GALNT17: variants seen among roughly 807,000 people sequenced by gnomAD.
GALNT17 encodes the protein UDP-GalNAc:polypeptide N-acetylgalactosaminyltransferase-like 3.
In GALNT17, 29 loss-of-function variants were observed where a neutral mutation model predicts 63.7. That is an observed-to-expected ratio of 0.46 (90% CI 0.34 to 0.62). GALNT17 has a LOEUF of 0.62. Among genes scored for constraint, GALNT17 ranks in the 20% least tolerant of loss-of-function variants. The probability of loss-of-function intolerance (pLI) is 0.01; values close to 1 mark genes in which losing one functional copy is unlikely to be tolerated. For synonymous variants in GALNT17, 305 were observed against 318.3 expected (o/e 0.96, Z 0.45); for missense variants, 603 against 799.6 (o/e 0.75, Z 2.97).
intron 5 of GALNT17, among the ~76,000 whole-genome samples, chr7:71,518,542 C>T (rs1315907673): frequency 6.6e-6 from 1 of 152,180 alleles, no homozygotes; most frequent in Non-Finnish European, 1.5e-5. Flanking sequence ...AGTCCAGCAG[C>T]AGTTACTAAA....
chr7:71,253,745 A>G (rs1009389734), intron 1 of GALNT17, among the ~76,000 whole-genome samples: 2 of 152,086 alleles, frequency 1.3e-5, no homozygotes, highest in African/African-American at 4.8e-5. Context: ...AAGAATTTCT[A>G]CAGCTCCCAA....
intron 5 of GALNT17, among the ~76,000 whole-genome samples, chr7:71,531,533 C>T (rs1195807500): frequency 6.6e-6 from 1 of 152,176 alleles, no homozygotes; most frequent in Admixed American, 6.6e-5. Context: ...GCTTTTTAAA[C>T]TTACTATGTG....
chr7:71,320,919 A>G (rs1300171726), intron 1 of GALNT17, among the ~76,000 whole-genome samples: 1 of 152,222 alleles, frequency 6.6e-6, no homozygotes, highest in Non-Finnish European at 1.5e-5. Flanking sequence ...GATAGCAGAA[A>G]TTTACATGCT....
At chr7:71,648,586 A>G (rs1359971853) in intron 6 of GALNT17, among the ~76,000 whole-genome samples, 1 of 151,780 alleles carries the variant, frequency 6.6e-6, no homozygotes, top group Non-Finnish European at 1.5e-5. Flanking sequence ...TCCTTTTTTA[A>G]GTTGAAAATA....
intron 1 of GALNT17, among the ~76,000 whole-genome samples, chr7:71,152,831 C>T (rs1417116990): frequency 6.6e-6 from 1 of 151,966 alleles, no homozygotes; most frequent in Non-Finnish European, 1.5e-5. Flanking sequence ...CGGGGTCTCA[C>T]CATGTTGGTC....
At chr7:71,184,325 A>G (rs1465196451) in intron 1 of GALNT17, among the ~76,000 whole-genome samples, 1 of 152,146 alleles carries the variant, frequency 6.6e-6, no homozygotes, top group Non-Finnish European at 1.5e-5. Context: ...TGTCATGGTG[A>G]TGGAGTAACC....
chr7:71,366,194 C>T (rs1033156881), intron 2 of GALNT17, among the ~76,000 whole-genome samples: 3 of 152,120 alleles, frequency 2.0e-5, no homozygotes, highest in African/African-American at 7.2e-5. Flanking sequence ...TCCTGACGCT[C>T]ACCTCCTGCT....
chr7:71,233,012 C>G (rs890676109), intron 1 of GALNT17, among the ~76,000 whole-genome samples: 6 of 152,138 alleles, frequency 3.9e-5, no homozygotes, highest in African/African-American at 1.4e-4. Context: ...TCTCAACAAC[C>G]CTGTGAAGTA....
Position 71,455,954 on chromosome 7 carries a change from T to C in GALNT17, c.962+34849T>C, listed in dbSNP as rs141149975. ...TACCCCTCAGAGCTCCTGTGAAGAT[T>C]AGACTGTGAGGCCGGGGACGGTGGC... On this transcript the variant is annotated intron_variant, in intron 5 of 10. Coordinates refer to ENST00000333538, the MANE Select transcript of GALNT17 (RefSeq NM_022479.3). 2.9e-3 allele frequency among the ~76,000 whole-genome samples: 446 copies of C among 152,268 alleles called. 2 individuals are homozygous for C. The highest frequency in any genetic ancestry group is 0.01 in the African/African-American group (428 of 41,552).
At chr7:71,707,887 C>T (rs1291016545) in intron 9 of GALNT17, among the ~76,000 whole-genome samples, 1 of 152,212 alleles carries the variant, frequency 6.6e-6, no homozygotes, top group African/African-American at 2.4e-5. Flanking sequence ...GGCCAACCAA[C>T]ATTCAAGGGA....
chr7:71,412,565 G>T (rs534414735), intron 3 of GALNT17, among the ~76,000 whole-genome samples: 10 of 152,186 alleles, frequency 6.6e-5, no homozygotes, highest in Non-Finnish European at 1.5e-4. Context: ...TAGAGACGGG[G>T]TTTCTCCATG....
chr7:71,149,476 G>T (rs372404531), intron 1 of GALNT17, among the ~76,000 whole-genome samples: 11 of 151,988 alleles, frequency 7.2e-5, no homozygotes, highest in South Asian at 2.1e-4. Flanking sequence ...CTGTAGGGGG[G>T]GCGAAACGTG....
chr7:71,448,068 G>A (rs1222664551), intron 5 of GALNT17, among the ~76,000 whole-genome samples: 1 of 152,168 alleles, frequency 6.6e-6, no homozygotes, highest in African/African-American at 2.4e-5. Context: ...GTGTAAAAAT[G>A]TCTGGATTCT....
intron 1 of GALNT17, among the ~76,000 whole-genome samples, chr7:71,226,138 A>G (rs1027289359): frequency 1.3e-5 from 2 of 152,230 alleles, no homozygotes; most frequent in African/African-American, 4.8e-5. Flanking sequence ...TTGAGTAAAT[A>G]AACTAAAACA....
chr7:71,263,750 C>T (rs566239977), intron 1 of GALNT17, among the ~76,000 whole-genome samples: 17 of 151,894 alleles, frequency 1.1e-4, no homozygotes, highest in South Asian at 1.0e-3. Context: ...GGTGAAACCC[C>T]GTCTCTACTA....
chr7:71,311,588 C>A (rs1791415243), intron 1 of GALNT17, among the ~76,000 whole-genome samples: 1 of 152,082 alleles, frequency 6.6e-6, no homozygotes, highest in African/African-American at 2.4e-5. Flanking sequence ...GTGGGGGATC[C>A]CAGTTCATGC....
intron 5 of GALNT17, among the ~76,000 whole-genome samples, chr7:71,491,761 C>T (rs1788012677): frequency 6.6e-6 from 1 of 152,156 alleles, no homozygotes; most frequent in African/African-American, 2.4e-5. Context: ...TGAGAATCTG[C>T]ATTTCTAGCA....
At chr7:71,236,042 G>T (rs541603265) in intron 1 of GALNT17, among the ~76,000 whole-genome samples, 1 of 152,068 alleles carries the variant, frequency 6.6e-6, no homozygotes, top group African/African-American at 2.4e-5. Flanking sequence ...TTAGCCGGGC[G>T]TGGTGGCAGG....
At chr7:71,419,097 A>G (rs1786609955) in intron 4 of GALNT17, among the ~76,000 whole-genome samples, 1 of 152,186 alleles carries the variant, frequency 6.6e-6, no homozygotes, top group Non-Finnish European at 1.5e-5. Flanking sequence ...AAAAAAAAGA[A>G]ATATCATTGG....
Sources: gnomAD v4.1 joint callset for allele counts (sites outside exome capture counted in the v4.1 genomes callset) on GRCh38, gnomAD v4.1.1 for gene constraint, MANE v1.5 for transcripts, NCBI Gene and HGNC (gene_info 2026-07-23, HGNC 2026-07-21) for gene names.